The following SBNO2 variants were observed in gnomAD, a reference collection of about 807,000 sequenced individuals.
SBNO2 encodes strawberry notch homolog 2, also known as protein strawberry notch homolog 2.
Under a neutral mutation model 146.3 loss-of-function variants are expected in SBNO2, and 89 were observed. The ratio of observed to expected loss-of-function variants is 0.61; its 90% CI spans 0.51 to 0.73. The LOEUF is 0.73. Ranked by LOEUF, SBNO2 falls within the 30% of genes least tolerant of loss-of-function variation. The probability of loss-of-function intolerance (pLI) is 0.00; values close to 1 mark genes in which losing one functional copy is unlikely to be tolerated. For missense variants in SBNO2, 2,092 were observed against 2,003.7 expected (o/e 1.04, Z -0.84); for synonymous variants, 1,147 against 892.6 (o/e 1.29, Z -5.08).
intron 2 of SBNO2, among the ~76,000 whole-genome samples, chr19:1,152,949 T>C (rs1320530879): frequency 6.6e-6 from 1 of 151,978 alleles, no homozygotes; most frequent in African/African-American, 2.4e-5. Flanking sequence ...GCCCGGGAGT[T>C]TGAGACCAGC....
rs2080304119 is a variant in SBNO2, at chr19:1,157,599, C to T, written c.-126-3197G>A. On this transcript the variant is annotated intron_variant, in intron 1 of 31. Coordinates refer to ENST00000361757, the MANE Select transcript of SBNO2 (RefSeq NM_014963.3). This position sits in a 1 kb window ranked among gnomAD's most constrained non-coding sequence, Gnocchi z 6.8. ...GGGGGCGGGGGTCACACGGTTCCCA[C>T]CTTGGGAGGGGGCCCGCGCTTTATC... Among the ~76,000 whole-genome samples the T allele has an allele frequency of 1.3e-5, 2 of 152,176 alleles. No individual in the cohort carries two copies. The highest frequency in any genetic ancestry group is 3.8e-4 in the East Asian group (2 of 5,202).
In SBNO2 at chr19:1,157,839, G is replaced by A. The variant is rs966399476; in HGVS notation, c.-126-3437C>T. Reference sequence around the variant, plus strand: ...CTCCTGAGTCCGGGTAACTGCGTCCGCCTCCCAGCTCTCTCTCTTGAGTCC... The same window carrying A: ...CTCCTGAGTCCGGGTAACTGCGTCCACCTCCCAGCTCTCTCTCTTGAGTCC... On this transcript the variant is annotated intron_variant, in intron 1 of 31. Transcript: ENST00000361757. The surrounding 1 kb of genome is among the most constrained non-coding windows in gnomAD (Gnocchi z 6.8). Among the ~76,000 whole-genome samples, 10 of 151,044 alleles carry A rather than the reference G, an allele frequency of 6.6e-5. No homozygotes were observed. Among genetic ancestry groups the A allele is most frequent in the African/African-American group, 9.8e-5 (4 of 40,890 alleles).
rs868838302 is a variant in SBNO2 at position 1,156,695 on chromosome 19, C to T, written c.-126-2293G>A. 1.6e-4 allele frequency among the ~76,000 whole-genome samples: 24 copies of T among 152,282 alleles called. No individual in the cohort carries two copies. In the South Asian group the frequency reaches 2.3e-3, roughly 14 times the overall value. ...TGAACAGCAGCGAGGCCGACCTAGG[C>T]CACAGCGCAGACGCACCTTGAGGAC... On this transcript the variant is annotated intron_variant, in intron 1 of 31. Coordinates refer to ENST00000361757, the MANE Select transcript of SBNO2 (RefSeq NM_014963.3).
chr19:1,171,505 TGATACCGCCCCCTTCCCA>T (rs2080477264), intron 1 of SBNO2, among the ~76,000 whole-genome samples: 1 of 152,128 alleles, frequency 6.6e-6, no homozygotes, highest in African/African-American at 2.4e-5. Context: ...GTGGATTACA[TGATACCGCCCCCTTCCCA>T]GAGCTGATCC....
chr19:1,171,601 C>G (rs1215283803), intron 1 of SBNO2, among the ~76,000 whole-genome samples: 1 of 152,146 alleles, frequency 6.6e-6, no homozygotes, highest in Non-Finnish European at 1.5e-5. Flanking sequence ...TCGACACAGT[C>G]GCCTCTTTGT....
rs373135662 is a variant in SBNO2, at chr19:1,108,743, G to T, written c.3616+36C>A. On this transcript the variant is annotated intron_variant, in intron 31 of 31. Coordinates refer to ENST00000361757, the MANE Select transcript of SBNO2 (RefSeq NM_014963.3). ...GTCGGGGTCAGGGCCGGCGCTGGGGGCTCGGGCCTTCCCGGGGCGCCCGCC... is the reference window on the plus strand; with the variant it reads ...GTCGGGGTCAGGGCCGGCGCTGGGGTCTCGGGCCTTCCCGGGGCGCCCGCC... 35 of 1,588,988 alleles carry T rather than the reference G, an allele frequency of 2.2e-5. No individual in the cohort carries two copies. In the East Asian group the frequency reaches 4.8e-4, roughly 22 times the overall value.
chr19:1,119,184 C>T lies in SBNO2; in HGVS notation c.1374-20G>A, dbSNP rs1460938493. 1 of 1,581,798 alleles carries T rather than the reference C, an allele frequency of 6.3e-7. No homozygotes were observed. Among genetic ancestry groups the T allele is most frequent in the South Asian group, 1.1e-5 (1 of 88,486 alleles). On this transcript the variant is annotated intron_variant, in intron 13 of 31. Coordinates refer to ENST00000361757, the MANE Select transcript of SBNO2 (RefSeq NM_014963.3). Reference sequence around the variant, plus strand: ...ACGCCCCTGCGGATGGACACAGCCCCCGTGAGCACGGCCAGAGCCCGTGGG... The same window carrying T: ...ACGCCCCTGCGGATGGACACAGCCCTCGTGAGCACGGCCAGAGCCCGTGGG...
At chr19:1,145,763 A>G (rs2080184175) in intron 4 of SBNO2, among the ~76,000 whole-genome samples, 1 of 151,966 alleles carries the variant, frequency 6.6e-6, no homozygotes, top group Admixed American at 6.6e-5. Flanking sequence ...AGCTTGCCAC[A>G]CCTTGGCCAG....
chr19:1,141,870 G>A (rs1027700948), intron 4 of SBNO2, among the ~76,000 whole-genome samples: 4 of 152,012 alleles, frequency 2.6e-5, no homozygotes, highest in African/African-American at 4.8e-5. Context: ...CAATCCTCCC[G>A]CCTTGGCCTC....
intron 5 of SBNO2, among the ~76,000 whole-genome samples, chr19:1,127,009 C>T (rs1230084217): frequency 6.6e-6 from 1 of 152,300 alleles, no homozygotes; most frequent in East Asian, 1.9e-4. Context: ...CCCAGCCCCT[C>T]AGCCCCCACG....
At chr19:1,111,234 C>A (rs1005569542) in intron 24 of SBNO2, 141 bp from the exon 25 acceptor site, 2 of 982,682 alleles carry the variant, frequency 2.0e-6, no homozygotes, top group Non-Finnish European at 2.9e-6. Flanking sequence ...GGGCCAGGAG[C>A]GGAGCCTTTT....
chr19:1,111,603 C>T lies in SBNO2; in HGVS notation c.2712G>A (p.Arg904=). 3 of 1,586,456 alleles carry T rather than the reference C, an allele frequency of 1.9e-6. No individual in the cohort carries two copies. Among genetic ancestry groups the T allele is most frequent in the African/African-American group, 1.3e-5 (1 of 74,412 alleles). Residue 904 remains arginine, a synonymous_variant, in exon 24 of 32, where the codon CGG becomes CGA. Coordinates refer to ENST00000361757, the MANE Select transcript of SBNO2 (RefSeq NM_014963.3). ...TGGTGGTGAGGACACAGTGCAGGGC[C>T]CGGGTGCCATACTAGGGGGAGAAGG... is the stretch of plus-strand genomic sequence containing the variant. ...KYNFENKYGT[R]ALHCVLTTIL...
rs1395366778 is a variant in SBNO2, at chr19:1,153,363, A to G, written c.93+821T>C. ...AGCGATTCTCCTGCCTCAGCCTCCC[A>G]AGTAGCTGGGATTACAGACACCTGC... On this transcript the variant is annotated intron_variant, in intron 2 of 31. Transcript: ENST00000361757. Among the ~76,000 whole-genome samples, 128 of 140,986 alleles carry G rather than the reference A, an allele frequency of 9.1e-4. No homozygotes were observed. The Middle Eastern group carries it at 0.013, about 15-fold the overall frequency. The allele number at this position is 140,986 out of a possible 152,430, so 92.5% of individuals were successfully genotyped here. A position where few individuals can be genotyped will look rare whatever the true frequency, so the allele number is the denominator to read the frequency against.
In SBNO2 at chr19:1,112,193, C is replaced by T; in HGVS notation, c.2624G>A (p.Ser875Asn). The T allele has an allele frequency of 1.3e-6, 2 of 1,586,408 alleles. No homozygotes were observed. Among genetic ancestry groups the T allele is most frequent in the East Asian group, 2.3e-5 (1 of 43,702 alleles). Residue 875 changes from serine (S) to asparagine (N), a missense_variant, in exon 22 of 32, where the codon AGT (serine) becomes AAT (asparagine). Ser to Asn is a conservative substitution (Grantham distance 46). Transcript: ENST00000361757. This position sits in a 1 kb window ranked among gnomAD's most constrained non-coding sequence, Gnocchi z 5.9. Reference protein sequence around the residue: ...FASIVAKRLESLGALTHGDRR... With the variant: ...FASIVAKRLENLGALTHGDRR... ...GCCCCACCCCCACCTGCTCACCAGA[C>T]TCTCCAGGCGCTTGGCCACGATGGA...
intron 1 of SBNO2, among the ~76,000 whole-genome samples, chr19:1,156,271 G>A (rs993485190): frequency 1.1e-4 from 17 of 152,134 alleles, no homozygotes; most frequent in African/African-American, 3.4e-4. Context: ...TCAGGGGACC[G>A]GGTTCTTCAA....
intron 19 of SBNO2, 90 bp downstream of exon 19, chr19:1,113,444 AG>A: frequency 8.7e-7 from 1 of 1,144,252 alleles, no homozygotes; most frequent in Non-Finnish European, 1.2e-6. Context: ...AGTGACCAGC[AG>A]GGGCCACCAG....
Position 1,173,479 on chromosome 19 carries a change from A to T in SBNO2, c.-127+693T>A, listed in dbSNP as rs746680383. ...GAAAAACCATCTGCCCCAGAAGAGA[A>T]GTCGGAGGCCCCAGGAGCGGGAGGG... On this transcript the variant is annotated intron_variant, in intron 1 of 31. Coordinates refer to ENST00000361757, the MANE Select transcript of SBNO2 (RefSeq NM_014963.3). This position sits in a 1 kb window ranked among gnomAD's most constrained non-coding sequence, Gnocchi z 4.7. 6.6e-6 allele frequency among the ~76,000 whole-genome samples: 1 copy of T among 152,148 alleles called. No homozygotes were observed.
intron 4 of SBNO2, among the ~76,000 whole-genome samples, chr19:1,145,427 C>T (rs1478643639): frequency 1.1e-4 from 16 of 147,608 alleles, no homozygotes; most frequent in African/African-American, 3.3e-4. Flanking sequence ...GAGCCAAGAT[C>T]GTGCCATTGC....
intron 5 of SBNO2, among the ~76,000 whole-genome samples, chr19:1,125,379 AGT>A (rs1048923805): frequency 4.1e-5 from 6 of 147,388 alleles, no homozygotes; most frequent in African/African-American, 1.3e-4. Flanking sequence ...AAAAAAAAAA[AGT>A]GAGCGTGGGC....
Sources: allele counts gnomAD v4.1 joint callset (sites outside exome capture counted in the v4.1 genomes callset), GRCh38; gene constraint gnomAD v4.1.1; non-coding constraint Gnocchi (gnomAD v3.1); transcripts MANE v1.5; gene names NCBI Gene and HGNC (gene_info 2026-07-23, HGNC 2026-07-21).